The following CACNB2 variants were observed in gnomAD, a reference collection of about 807,000 sequenced individuals.
CACNB2 encodes the protein calcium voltage-gated channel auxiliary subunit beta 2.
Under a neutral mutation model 73.3 loss-of-function variants are expected in CACNB2, and 42 were observed. The ratio of observed to expected loss-of-function variants is 0.57; its 90% CI spans 0.45 to 0.74. The LOEUF (loss-of-function observed/expected upper bound fraction) is 0.74, where lower values mean the gene tolerates loss of function less well. Among genes scored for constraint, CACNB2 ranks in the 30% least tolerant of loss-of-function variants. The pLI is 0.00. For missense variants in CACNB2, 940 were observed against 853.0 expected, an observed-to-expected ratio of 1.10 and a Z score of -1.27; for synonymous variants, 348 against 310.3, an observed-to-expected ratio of 1.12 and a Z score of -1.28.
chr10:18,534,907 G>T (rs1210061686), intron 11 of CACNB2, among the ~76,000 whole-genome samples: 1 of 152,088 alleles, frequency 6.6e-6, no homozygotes, highest in African/African-American at 2.4e-5. Flanking sequence ...TATTTTCTTG[G>T]ACAAAATAAG....
At chr10:18,167,459 T>TA (rs967903724) in intron 2 of CACNB2, among the ~76,000 whole-genome samples, 5 of 151,850 alleles carry the variant, frequency 3.3e-5, no homozygotes, top group Non-Finnish European at 5.9e-5. Flanking sequence ...TAAAATAAGA[T>TA]AAAAAACAAT....
At chr10:18,163,740 G>A (rs1299570185) in intron 2 of CACNB2, among the ~76,000 whole-genome samples, 2 of 152,278 alleles carry the variant, frequency 1.3e-5, no homozygotes, top group East Asian at 1.9e-4. Context: ...TTAATAGTGT[G>A]GTGCAGGAGG....
At chr10:18,425,198 G>A (rs1031804037) in intron 3 of CACNB2, among the ~76,000 whole-genome samples, 10 of 152,014 alleles carry the variant, frequency 6.6e-5, no homozygotes, top group Non-Finnish European at 1.3e-4. Flanking sequence ...TTCTATAAAC[G>A]TACAAGAGGA....
intron 2 of CACNB2, among the ~76,000 whole-genome samples, chr10:18,205,672 TC>T (rs2035058808): frequency 6.6e-6 from 1 of 152,138 alleles, no homozygotes; most frequent in African/African-American, 2.4e-5. Context: ...AAACCACACT[TC>T]TGAGTCTTAG....
intron 2 of CACNB2, among the ~76,000 whole-genome samples, chr10:18,391,315 A>G (rs897539203): frequency 3.3e-5 from 5 of 152,352 alleles, no homozygotes; most frequent in African/African-American, 1.2e-4. Context: ...TTTTTAATTA[A>G]GAAAGAGACA....
chr10:18,268,753 A>G (rs1261955002), intron 2 of CACNB2, among the ~76,000 whole-genome samples: 1 of 152,214 alleles, frequency 6.6e-6, no homozygotes, highest in Non-Finnish European at 1.5e-5. Flanking sequence ...AAATTAATTT[A>G]TCCCTCACCT....
chr10:18,519,155 C>T (rs1564644625), intron 9 of CACNB2, among the ~76,000 whole-genome samples, 187 bp downstream of exon 9: 1 of 152,116 alleles, frequency 6.6e-6, no homozygotes, highest in Admixed American at 6.6e-5. Context: ...ATCTTTAACC[C>T]CTGATGTCTA....
chr10:18,323,559 A>C (rs1023125986), intron 2 of CACNB2, among the ~76,000 whole-genome samples: 3 of 152,178 alleles, frequency 2.0e-5, no homozygotes, highest in African/African-American at 4.8e-5. Flanking sequence ...CATAAGTATG[A>C]ATCTGAATAA....
intron 2 of CACNB2, among the ~76,000 whole-genome samples, chr10:18,166,666 G>C (rs2032874351): frequency 6.6e-6 from 1 of 152,138 alleles, no homozygotes; most frequent in African/African-American, 2.4e-5. Flanking sequence ...GAGGAGAGGA[G>C]AGTAAAAACC....
intron 2 of CACNB2, among the ~76,000 whole-genome samples, chr10:18,346,130 G>C (rs969573761): frequency 6.6e-6 from 1 of 152,090 alleles, no homozygotes; most frequent in African/African-American, 2.4e-5. Flanking sequence ...TTAAGAGGTG[G>C]AGAACTGGAA....
chr10:18,185,087 C>T (rs757469348), intron 2 of CACNB2, among the ~76,000 whole-genome samples: 1 of 152,158 alleles, frequency 6.6e-6, no homozygotes, highest in Non-Finnish European at 1.5e-5. Flanking sequence ...AATCCTCCCA[C>T]CTTGGCCCAT....
intron 2 of CACNB2, among the ~76,000 whole-genome samples, chr10:18,246,824 C>G (rs1283555390): frequency 6.6e-6 from 1 of 152,162 alleles, no homozygotes; most frequent in Non-Finnish European, 1.5e-5. Flanking sequence ...TTTGCCCAGG[C>G]TGTTCTCGAA....
chr10:18,238,423 T>G (rs2036529625), intron 2 of CACNB2: 1 of 152,212 alleles, frequency 6.6e-6, no homozygotes, highest in Non-Finnish European at 1.5e-5. Context: ...TCTTATTTTC[T>G]TATCAGAAAC....
chr10:18,344,242 C>T (rs2041355003), intron 2 of CACNB2, among the ~76,000 whole-genome samples: 1 of 152,122 alleles, frequency 6.6e-6, no homozygotes, highest in Non-Finnish European at 1.5e-5. Flanking sequence ...GAGATGCTGG[C>T]TTCAGCATCA....
chr10:18,407,010 C>G (rs1442109095), intron 3 of CACNB2, among the ~76,000 whole-genome samples: 1 of 148,144 alleles, frequency 6.8e-6, no homozygotes, highest in Non-Finnish European at 1.5e-5. Flanking sequence ...TCTACCTTCA[C>G]AAATTAGCTG....
intron 2 of CACNB2, among the ~76,000 whole-genome samples, chr10:18,382,014 G>A (rs953775886): frequency 6.6e-6 from 1 of 151,976 alleles, no homozygotes; most frequent in Non-Finnish European, 1.5e-5. Flanking sequence ...ACTTACATTA[G>A]AATGAGACTT....
chr10:18,215,416 A>G (rs1319855890), intron 2 of CACNB2, among the ~76,000 whole-genome samples: 3 of 152,094 alleles, frequency 2.0e-5, no homozygotes, highest in African/African-American at 7.2e-5. Flanking sequence ...CCCCCTGGAA[A>G]TGGGGCATTT....
intron 3 of CACNB2, among the ~76,000 whole-genome samples, chr10:18,402,500 T>C (rs942143089): frequency 1.3e-5 from 2 of 152,202 alleles, no homozygotes; most frequent in East Asian, 3.8e-4. Context: ...TATCCTGTAT[T>C]TTCAAAATGG....
intron 2 of CACNB2, among the ~76,000 whole-genome samples, chr10:18,393,297 A>AT (rs2043570491): frequency 6.6e-6 from 1 of 152,172 alleles, no homozygotes; most frequent in East Asian, 1.9e-4. Context: ...TAATGTTCTA[A>AT]TTTTTTTAAA....
Sources: gnomAD v4.1 joint callset for allele counts (sites outside exome capture counted in the v4.1 genomes callset) on GRCh38, gnomAD v4.1.1 for gene constraint, MANE v1.5 for transcripts, NCBI Gene and HGNC (gene_info 2026-07-23, HGNC 2026-07-21) for gene names.